Variants in TXNDC16 observed in about 807,000 individuals in gnomAD.
TXNDC16 encodes thioredoxin domain-containing protein 16.
Under a neutral mutation model 85.6 loss-of-function variants are expected in TXNDC16, and 74 were observed. The ratio of observed to expected loss-of-function variants is 0.86; its 90% CI spans 0.72 to 1.05. TXNDC16 has a LOEUF of 1.05. Ranked by LOEUF, TXNDC16 falls within the 50% of genes least tolerant of loss-of-function variation. The pLI, the probability that TXNDC16 is intolerant of heterozygous loss-of-function variation, is 0.00. For synonymous variants in TXNDC16, 335 were observed against 326.5 expected, an observed-to-expected ratio of 1.03 and a Z score of -0.28; for missense variants, 959 against 947.0, an observed-to-expected ratio of 1.01 and a Z score of -0.17.
At position 52,530,311 on chromosome 14, in the gene TXNDC16, A is replaced by AAT. The variant is rs1195359864; in HGVS notation, c.392+6406_392+6407dup. 2.7e-3 allele frequency among the ~76,000 whole-genome samples: 139 copies of AAT among 50,948 alleles called. 8 individuals are homozygous for AAT. The highest frequency in any genetic ancestry group is 0.026 in the East Asian group (22 of 834). 33.4% of individuals were successfully genotyped at this position (50,948 alleles called of 152,430 possible). On this transcript the variant is annotated intron_variant, in intron 6 of 20. Transcript: ENST00000281741. The stretch of plus-strand genomic sequence containing the variant: ...ATTATTATATATAATATTAATATAT[A>AAT]ATATATAATTATTTTTATATTATAT...
intron 6 of TXNDC16, among the ~76,000 whole-genome samples, chr14:52,528,418 G>A (rs1373954438): frequency 1.3e-5 from 2 of 151,954 alleles, no homozygotes; most frequent in African/African-American, 4.8e-5. Flanking sequence ...GCTAAGTATT[G>A]GATTTAGGTC....
intron 6 of TXNDC16, among the ~76,000 whole-genome samples, chr14:52,523,193 G>A (rs991111515): frequency 6.6e-6 from 1 of 152,152 alleles, no homozygotes; most frequent in African/African-American, 2.4e-5. Flanking sequence ...TTCTTGCTCT[G>A]TTGATGGGGT....
chr14:52,542,020 C>A (rs529405606), intron 4 of TXNDC16, among the ~76,000 whole-genome samples: 1 of 152,084 alleles, frequency 6.6e-6, no homozygotes, highest in African/African-American at 2.4e-5. Context: ...AATTTAAAAA[C>A]AGCTGAATTG....
At chr14:52,551,867 C>G (rs925397422) in intron 1 of TXNDC16, among the ~76,000 whole-genome samples, 3 of 152,200 alleles carry the variant, frequency 2.0e-5, no homozygotes, top group Admixed American at 2.0e-4. Flanking sequence ...AGGCAATCAT[C>G]ATACTTACAA....
intron 20 of TXNDC16, among the ~76,000 whole-genome samples, chr14:52,433,419 T>C (rs2034953273): frequency 6.6e-6 from 1 of 152,176 alleles, no homozygotes; most frequent in Non-Finnish European, 1.5e-5. Context: ...AAATAAACTA[T>C]ATAAGGAAAT....
chr14:52,506,527 C>CTTTTTTTTTTTTTTTTTTTTTTT (rs765293725), intron 9 of TXNDC16, among the ~76,000 whole-genome samples: 17 of 97,550 alleles, frequency 1.7e-4, no homozygotes, highest in East Asian at 4.2e-4. Context: ...TTCAACAACC[C>CTTTTTTTTTTTTTTTTTTTTTTT]TTTTTTTTTT....
At chr14:52,483,820 C>G (rs1318614838) in intron 12 of TXNDC16, among the ~76,000 whole-genome samples, 1 of 152,128 alleles carries the variant, frequency 6.6e-6, no homozygotes. Context: ...CATAAATATT[C>G]TGTTGGAAGT....
chr14:52,446,395 G>T (rs2035284930), intron 18 of TXNDC16, among the ~76,000 whole-genome samples: 1 of 152,216 alleles, frequency 6.6e-6, no homozygotes, highest in African/African-American at 2.4e-5. Flanking sequence ...AGCCAGAGCA[G>T]AAATGCCCAT....
chr14:52,491,146 T>G, intron 9 of TXNDC16, 141 bp from the exon 10 acceptor site: 1 of 977,546 alleles, frequency 1.0e-6, no homozygotes, highest in Non-Finnish European at 1.4e-6. Flanking sequence ...GATCTCTTAA[T>G]TCCCTGAATT....
At chr14:52,465,839 C>A (rs2035761248) in intron 16 of TXNDC16, among the ~76,000 whole-genome samples, 1 of 151,928 alleles carries the variant, frequency 6.6e-6, no homozygotes, top group Non-Finnish European at 1.5e-5. Context: ...GTAAAACTAT[C>A]AAAGTAAAAA....
At chr14:52,448,856 G>A (rs561796786) in intron 18 of TXNDC16, among the ~76,000 whole-genome samples, 46 of 152,020 alleles carry the variant, frequency 3.0e-4, no homozygotes, top group African/African-American at 8.4e-4. Context: ...TTGCTTGTTC[G>A]TTTATGCAAA....
intron 6 of TXNDC16, among the ~76,000 whole-genome samples, chr14:52,527,281 G>C (rs987344134): frequency 2.6e-5 from 4 of 152,126 alleles, no homozygotes. Context: ...AACACATGCA[G>C]GATCTGATAC....
intron 18 of TXNDC16, among the ~76,000 whole-genome samples, chr14:52,445,596 T>C (rs750248498): frequency 1.3e-5 from 2 of 152,254 alleles, no homozygotes; most frequent in Non-Finnish European, 2.9e-5. Flanking sequence ...TCCACTATTA[T>C]ACAGTCATGC....
intron 20 of TXNDC16, 144 bp downstream of exon 20, chr14:52,439,060 G>T: frequency 2.5e-6 from 2 of 806,200 alleles, no homozygotes; most frequent in Non-Finnish European, 3.8e-6. Flanking sequence ...TTGCACCTTT[G>T]GCCTCCCAGT....
At chr14:52,479,979 T>C (rs928069076) in intron 14 of TXNDC16, among the ~76,000 whole-genome samples, 1 of 152,110 alleles carries the variant, frequency 6.6e-6, no homozygotes, top group Non-Finnish European at 1.5e-5. Context: ...CATAGACCAA[T>C]GGAACAGAAT....
At chr14:52,522,851 T>A (rs1373480989) in intron 6 of TXNDC16, among the ~76,000 whole-genome samples, 1 of 152,194 alleles carries the variant, frequency 6.6e-6, no homozygotes, top group Non-Finnish European at 1.5e-5. Flanking sequence ...CTCTGTCTTG[T>A]TTAATTTTCA....
chr14:52,454,164 T>C (rs529725457), intron 18 of TXNDC16, among the ~76,000 whole-genome samples: 1 of 152,284 alleles, frequency 6.6e-6, no homozygotes, highest in African/African-American at 2.4e-5. Flanking sequence ...CAGTGGCTCA[T>C]GCTGTAATCT....
intron 9 of TXNDC16, among the ~76,000 whole-genome samples, chr14:52,504,555 G>T (rs1225794575): frequency 2.6e-5 from 4 of 152,174 alleles, no homozygotes; most frequent in Non-Finnish European, 5.9e-5. Context: ...TGCCCTAAAA[G>T]AGCTCCTGAA....
intron 18 of TXNDC16, among the ~76,000 whole-genome samples, chr14:52,441,209 C>T (rs1024304293): frequency 2.6e-5 from 4 of 152,010 alleles, no homozygotes; most frequent in Non-Finnish European, 4.4e-5. Context: ...CAAAAATATG[C>T]TAAAACAAAT....
Sources: allele counts gnomAD v4.1 joint callset (sites outside exome capture counted in the v4.1 genomes callset), GRCh38; gene constraint gnomAD v4.1.1; transcripts MANE v1.5; gene names NCBI Gene and HGNC (gene_info 2026-07-23, HGNC 2026-07-21).